Variants in C9orf153 observed in about 807,000 individuals in gnomAD.
C9orf153 encodes uncharacterized protein C9orf153.
A neutral mutation model predicts 9.0 loss-of-function variants in C9orf153; 10 were observed. The ratio of observed to expected loss-of-function variants is 1.11; its 90% CI spans 0.69 to 1.89. The LOEUF is 1.89. Ranked by LOEUF, C9orf153 falls within the 40% of genes most tolerant of loss-of-function variation. The probability of loss-of-function intolerance (pLI) is 0.00; values close to 1 mark genes in which losing one functional copy is unlikely to be tolerated. For missense variants in C9orf153, 108 were observed against 111.0 expected (o/e 0.97, Z 0.12); for synonymous variants, 35 against 37.3 (o/e 0.94, Z 0.23).
At chr9:86,222,373 A>G (rs1434642599) in intron 3 of C9orf153, among the ~76,000 whole-genome samples, 2 of 152,100 alleles carry the variant, frequency 1.3e-5, no homozygotes, top group African/African-American at 4.8e-5. Context: ...AGCTCTGCAG[A>G]GCACCGAAAG....
intron 3 of C9orf153, among the ~76,000 whole-genome samples, chr9:86,225,411 CTCCTTCCTTCCTTCCTTCCT>C (rs72315837): frequency 6.1e-5 from 8 of 132,058 alleles, no homozygotes; most frequent in African/African-American, 2.4e-4. Flanking sequence ...CTCTCTCTCT[CTCCTTCCTTCCTTCCTTCCT>C]TCCTTCCTTC....
intron 1 of C9orf153, among the ~76,000 whole-genome samples, chr9:86,249,417 T>C (rs1305293895): frequency 6.6e-6 from 1 of 152,238 alleles, no homozygotes; most frequent in Non-Finnish European, 1.5e-5. Context: ...AAAGCATTGT[T>C]GTGTCTTTCT....
intron 1 of C9orf153, among the ~76,000 whole-genome samples, chr9:86,244,320 C>A (rs1017508156): frequency 6.6e-6 from 1 of 152,164 alleles, no homozygotes; most frequent in African/African-American, 2.4e-5. Context: ...ATGATCCTCC[C>A]ACCTCAGTCT....
chr9:86,240,707 CTTTTTTT>C (rs367674249), intron 1 of C9orf153, among the ~76,000 whole-genome samples: 5 of 117,010 alleles, frequency 4.3e-5, no homozygotes, highest in South Asian at 2.7e-4. Flanking sequence ...TTTTCTTTTT[CTTTTTTT>C]TTTTTTTTTT....
rs567168961 is a variant in C9orf153, at chr9:86,220,466, CAG to C, written c.*1220_*1221del. 580 of 152,220 alleles carry C rather than the reference CAG, an allele frequency of 3.8e-3. 1 individual carries two copies. Among genetic ancestry groups the C allele is most frequent in the African/African-American group, 0.013 (559 of 41,554 alleles). The allele number at this position is 152,220 out of a possible 1,614,324, so 9.4% of individuals were successfully genotyped here. Reference sequence around the variant, plus strand: ...CATTTTTATTTTACCCCCTACTCCTCAGAGAGAGTTTGGCTGCTTATAGAATT... The same window carrying C: ...CATTTTTATTTTACCCCCTACTCCTCAGAGAGTTTGGCTGCTTATAGAATT... On this transcript the variant is annotated 3_prime_UTR_variant, in exon 4 of 4. Transcript: ENST00000339137.
chr9:86,239,491 T>C (rs2131190757), intron 1 of C9orf153, among the ~76,000 whole-genome samples: 1 of 152,268 alleles, frequency 6.6e-6, no homozygotes, highest in South Asian at 2.1e-4. Context: ...CATAGGAGAT[T>C]GCTTATAATG....
intron 3 of C9orf153, chr9:86,227,199 T>C: frequency 1.2e-6 from 1 of 867,432 alleles, no homozygotes. Context: ...AAGGCTGAAA[T>C]GCAGTGGTGT....
chr9:86,240,901 G>A (rs1824728545), intron 1 of C9orf153, among the ~76,000 whole-genome samples: 1 of 151,328 alleles, frequency 6.6e-6, no homozygotes, highest in African/African-American at 2.4e-5. Flanking sequence ...TAGAGATGGG[G>A]TTTCACCATA....
At chr9:86,245,209 G>A (rs1012373021) in intron 1 of C9orf153, among the ~76,000 whole-genome samples, 2 of 152,328 alleles carry the variant, frequency 1.3e-5, no homozygotes, top group Non-Finnish European at 2.9e-5. Flanking sequence ...TTACAGGCAT[G>A]AGTCACCGTG....
intron 1 of C9orf153, among the ~76,000 whole-genome samples, chr9:86,231,996 T>A (rs1326711581): frequency 1.3e-5 from 2 of 152,056 alleles, no homozygotes; most frequent in African/African-American, 4.8e-5. Context: ...GAGGGAAAGA[T>A]GTAATCTCTC....
At chr9:86,251,976 G>A (rs546773546) in intron 1 of C9orf153, among the ~76,000 whole-genome samples, 12 of 148,362 alleles carry the variant, frequency 8.1e-5, no homozygotes, top group African/African-American at 3.1e-4. Flanking sequence ...GAAGAGAGAA[G>A]ACGAGACAGA....
chr9:86,245,034 T>G (rs1251239870), intron 1 of C9orf153, among the ~76,000 whole-genome samples: 1 of 152,122 alleles, frequency 6.6e-6, no homozygotes, highest in East Asian at 1.9e-4. Context: ...TCAAGGGATT[T>G]TCCTGCCTCA....
At chr9:86,241,183 T>C (rs1824736066) in intron 1 of C9orf153, among the ~76,000 whole-genome samples, 1 of 152,196 alleles carries the variant, frequency 6.6e-6, no homozygotes, top group Admixed American at 6.6e-5. Flanking sequence ...TATACCTCTG[T>C]TCATCATGAG....
At chr9:86,258,840 C>T (rs966619892) in intron 1 of C9orf153, among the ~76,000 whole-genome samples, 2 of 149,944 alleles carry the variant, frequency 1.3e-5, no homozygotes, top group African/African-American at 4.9e-5. Context: ...CAGCTTTCCC[C>T]TTTTTTTTTT....
chr9:86,235,699 G>A (rs1479941939), intron 1 of C9orf153, among the ~76,000 whole-genome samples: 2 of 120,992 alleles, frequency 1.7e-5, no homozygotes, highest in Admixed American at 1.2e-4. Context: ...CCAAGATCGC[G>A]TCACTGCACT....
At chr9:86,226,415 G>T (rs1341795075) in intron 3 of C9orf153, among the ~76,000 whole-genome samples, 1 of 151,890 alleles carries the variant, frequency 6.6e-6, no homozygotes, top group Non-Finnish European at 1.5e-5. Context: ...TCTGCCTCCT[G>T]GGTTCAAGTT....
Position 86,227,883 on chromosome 9 carries a change from C to T in C9orf153, c.214G>A (p.Val72Met). 1.2e-6 allele frequency: 2 copies of T among 1,613,586 alleles called. No individual in the cohort carries two copies. The highest frequency in any genetic ancestry group is 2.2e-5 in the South Asian group (2 of 90,998). Reference sequence around the variant, plus strand: ...ATAACAGGTTGGAGATCTCCTCTCACATCAGCGCCCCTGGTGAATGACATG... The same window carrying T: ...ATAACAGGTTGGAGATCTCCTCTCATATCAGCGCCCCTGGTGAATGACATG... The part of the protein sequence containing the change: ...NVMSFTRGAD[V>M]RGDLQPVIRK... The change falls in exon 3 of 4, where the codon GTG becomes ATG. Residue 72 changes from valine to methionine, a missense_variant. By Grantham distance (21) the Val-to-Met change is conservative (BLOSUM62 1). Coordinates refer to ENST00000339137, the MANE Select transcript of C9orf153 (RefSeq NM_001276366.4).
rs575557947 is a variant in C9orf153 at position 86,243,449 on chromosome 9, T to C, written c.-26-13820A>G. On this transcript the variant is annotated intron_variant, in intron 1 of 3. Coordinates refer to ENST00000339137, the MANE Select transcript of C9orf153 (RefSeq NM_001276366.4). ...AGCACCTAAAACCCCTGAATTTTTT[T>C]TTTTTCTTTTTCTTTTCTTCTTTTT... Among the ~76,000 whole-genome samples the C allele has an allele frequency of 1.3e-4, 20 of 148,290 alleles. No homozygotes were observed. In the South Asian group the frequency reaches 2.0e-3, roughly 14 times the overall value.
chr9:86,248,943 G>C (rs1824930870), intron 1 of C9orf153, among the ~76,000 whole-genome samples: 1 of 152,204 alleles, frequency 6.6e-6, no homozygotes, highest in Non-Finnish European at 1.5e-5. Context: ...TCTCAAGTCT[G>C]CCACGCCAGC....
Sources: gnomAD v4.1 joint callset for allele counts (sites outside exome capture counted in the v4.1 genomes callset) on GRCh38, gnomAD v4.1.1 for gene constraint, MANE v1.5 for transcripts, NCBI Gene and HGNC (gene_info 2026-07-23, HGNC 2026-07-21) for gene names.